ADGRB3: variants seen among roughly 807,000 people sequenced by gnomAD.
ADGRB3 encodes brain-specific angiogenesis inhibitor 3.
A neutral mutation model predicts 193.4 loss-of-function variants in ADGRB3; 37 were observed. The ratio of observed to expected loss-of-function variants is 0.19; its 90% CI spans 0.15 to 0.25. The LOEUF (loss-of-function observed/expected upper bound fraction) is 0.25, where lower values mean the gene tolerates loss of function less well. ADGRB3 is among the 10% of genes least tolerant of loss of function. ADGRB3 has a pLI of 1.00. For missense variants in ADGRB3, 1,637 were observed against 1,852.9 expected (o/e 0.88, Z 2.14); for synonymous variants, 690 against 644.2 (o/e 1.07, Z -1.08).
At chr6:69,387,077 A>C (rs1562006316) in intron 31 of ADGRB3, among the ~76,000 whole-genome samples, 1 of 152,088 alleles carries the variant, frequency 6.6e-6, no homozygotes, top group Non-Finnish European at 1.5e-5. Flanking sequence ...CCACAATATA[A>C]AGCATATCGC....
At position 69,034,139 on chromosome 6, in the gene ADGRB3, T is replaced by A. The variant is rs562851859; in HGVS notation, c.2108-14046T>A. Among the ~76,000 whole-genome samples the A allele has an allele frequency of 9.2e-5, 14 of 152,162 alleles. No individual in the cohort carries two copies. The East Asian group carries it at 2.7e-3, about 29-fold the overall frequency. On this transcript the variant is annotated intron_variant, in intron 13 of 31. Transcript: ENST00000370598. ...TAAGCATCTTCAATATCCATTTAGCTATAGTTTTCCTCTTTGAAATATGAA... is the reference window on the plus strand; with the variant it reads ...TAAGCATCTTCAATATCCATTTAGCAATAGTTTTCCTCTTTGAAATATGAA...
At chr6:68,874,507 C>A (rs1765538613) in intron 3 of ADGRB3, among the ~76,000 whole-genome samples, 1 of 152,012 alleles carries the variant, frequency 6.6e-6, no homozygotes, top group South Asian at 2.1e-4. Flanking sequence ...ATAAAATTGT[C>A]ATTGTTTCCT....
At chr6:68,718,274 G>A (rs1367337122) in intron 3 of ADGRB3, among the ~76,000 whole-genome samples, 1 of 151,644 alleles carries the variant, frequency 6.6e-6, no homozygotes, top group Non-Finnish European at 1.5e-5. Context: ...TAAGCCCTAC[G>A]ACAGATCTAC....
intron 20 of ADGRB3, among the ~76,000 whole-genome samples, chr6:69,269,434 A>G (rs1767125390): frequency 6.6e-6 from 1 of 152,182 alleles, no homozygotes; most frequent in South Asian, 2.1e-4. Flanking sequence ...CTAAGCTTGT[A>G]TGTTTATTTT....
intron 13 of ADGRB3, among the ~76,000 whole-genome samples, chr6:69,029,818 T>C (rs1770573699): frequency 6.6e-6 from 1 of 152,088 alleles, no homozygotes; most frequent in Non-Finnish European, 1.5e-5. Context: ...CCAAGAATTC[T>C]AGTTTCTTAC....
intron 17 of ADGRB3, among the ~76,000 whole-genome samples, chr6:69,160,515 C>T (rs546908825): frequency 7.9e-5 from 12 of 152,268 alleles, no homozygotes; most frequent in South Asian, 4.1e-4. Flanking sequence ...TATCTTTCAG[C>T]GCTGGCTTCC....
At chr6:69,351,921 A>G (rs1325753732) in intron 26 of ADGRB3, among the ~76,000 whole-genome samples, 2 of 152,216 alleles carry the variant, frequency 1.3e-5, no homozygotes, top group Non-Finnish European at 2.9e-5. Flanking sequence ...CTCATTTTAT[A>G]TATGCTGACC....
intron 3 of ADGRB3, among the ~76,000 whole-genome samples, chr6:68,665,778 AT>A (rs1768787140): frequency 6.6e-6 from 1 of 151,834 alleles, no homozygotes; most frequent in Admixed American, 6.6e-5. Flanking sequence ...AATATTTCCA[AT>A]AATTTATACT....
At chr6:68,742,764 C>T (rs1429676898) in intron 3 of ADGRB3, among the ~76,000 whole-genome samples, 2 of 151,994 alleles carry the variant, frequency 1.3e-5, no homozygotes, top group African/African-American at 2.4e-5. Context: ...AAAGTAGCCA[C>T]GTAAACTTCT....
At chr6:69,292,739 T>A (rs1561978904) in intron 20 of ADGRB3, among the ~76,000 whole-genome samples, 1 of 152,038 alleles carries the variant, frequency 6.6e-6, no homozygotes, top group Non-Finnish European at 1.5e-5. Flanking sequence ...ATTACCATAC[T>A]TTAAGTTTTA....
chr6:69,329,574 A>T (rs1768666157), intron 22 of ADGRB3, among the ~76,000 whole-genome samples: 1 of 152,240 alleles, frequency 6.6e-6, no homozygotes, highest in Non-Finnish European at 1.5e-5. Context: ...TTATTGTTAG[A>T]ACAGATATAG....
At position 68,956,959 on chromosome 6, in the gene ADGRB3, G is replaced by A. The variant is rs372902573; in HGVS notation, c.1525+150G>A. 1.3e-5 allele frequency: 11 copies of A among 838,810 alleles called. No homozygotes were observed. The East Asian group carries it at 2.3e-4, about 17-fold the overall frequency. 52.0% of individuals were successfully genotyped at this position (838,810 alleles called of 1,614,324 possible). ...AATTTACTTGTTTCTGTACTATGTG[G>A]GGCATCCCCTGTTTATGTGTCATAG... On this transcript the variant is annotated intron_variant, in intron 8 of 31. Coordinates refer to ENST00000370598, the MANE Select transcript of ADGRB3 (RefSeq NM_001704.3).
intron 13 of ADGRB3, among the ~76,000 whole-genome samples, chr6:69,023,721 ACAC>A (rs1442514737): frequency 6.6e-6 from 1 of 152,106 alleles, no homozygotes; most frequent in Non-Finnish European, 1.5e-5. Flanking sequence ...AAGTTGGGAA[ACAC>A]CATCAACACA....
At chr6:69,335,727 C>T (rs957533596) in intron 24 of ADGRB3, among the ~76,000 whole-genome samples, 5 of 151,966 alleles carry the variant, frequency 3.3e-5, no homozygotes, top group African/African-American at 9.7e-5. Context: ...ACTAATTGGT[C>T]GACTTGACAA....
At position 68,944,745 on chromosome 6, in the gene ADGRB3, G is replaced by A. The variant is rs116263660; in HGVS notation, c.1195+751G>A. Among the ~76,000 whole-genome samples the A allele has an allele frequency of 9.8e-3, 1,495 of 152,066 alleles. 23 individuals carry two copies. Among genetic ancestry groups the A allele is most frequent in the African/African-American group, 0.034 (1,419 of 41,474 alleles). On this transcript the variant is annotated intron_variant, in intron 6 of 31. Coordinates refer to ENST00000370598, the MANE Select transcript of ADGRB3 (RefSeq NM_001704.3). ...ATAAGAATAATGTCCAGCTTCAAAG[G>A]ACTTACAAGTTATAGAAGAAAATAC...
chr6:68,939,452 T>A (rs946214523), intron 5 of ADGRB3, among the ~76,000 whole-genome samples: 1 of 152,176 alleles, frequency 6.6e-6, no homozygotes, highest in African/African-American at 2.4e-5. Context: ...CTTCTAAATT[T>A]GATTAAGTAG....
At chr6:69,183,089 A>G (rs953763368) in intron 17 of ADGRB3, among the ~76,000 whole-genome samples, 6 of 152,150 alleles carry the variant, frequency 3.9e-5, no homozygotes, top group African/African-American at 1.4e-4. Context: ...AATTTATAGG[A>G]CAGTTTAATT....
At chr6:68,928,691 T>C (rs1342290945) in intron 3 of ADGRB3, among the ~76,000 whole-genome samples, 1 of 152,198 alleles carries the variant, frequency 6.6e-6, no homozygotes, top group Non-Finnish European at 1.5e-5. Context: ...ATAATTAATT[T>C]GTAGGCATGA....
intron 3 of ADGRB3, among the ~76,000 whole-genome samples, chr6:68,758,439 C>A (rs1214305972): frequency 6.6e-6 from 1 of 152,072 alleles, no homozygotes; most frequent in Non-Finnish European, 1.5e-5. Context: ...GAAAACAATT[C>A]TAACAAACAC....
Sources: allele counts gnomAD v4.1 joint callset (sites outside exome capture counted in the v4.1 genomes callset), GRCh38; gene constraint gnomAD v4.1.1; transcripts MANE v1.5; gene names NCBI Gene and HGNC (gene_info 2026-07-23, HGNC 2026-07-21).